DLEU7: variants seen among roughly 807,000 people sequenced by gnomAD.
DLEU7 encodes deleted in lymphocytic leukemia 7, also known as leukemia-associated protein 7.
Under a neutral mutation model 16.0 loss-of-function variants are expected in DLEU7, and 17 were observed. The observed-to-expected ratio is 1.06, with a 90% CI of 0.73 to 1.59. The LOEUF (loss-of-function observed/expected upper bound fraction) is 1.59. Among genes scored for constraint, DLEU7 ranks in the 40% most tolerant of loss-of-function variants. The probability of loss-of-function intolerance (pLI) is 0.00; values close to 1 mark genes in which losing one functional copy is unlikely to be tolerated. For synonymous variants in DLEU7, 113 were observed against 139.8 expected (o/e 0.81, Z 1.35); for missense variants, 308 against 314.9 (o/e 0.98, Z 0.17).
At chr13:50,779,859 CAA>C (rs540905360) in intron 1 of DLEU7, among the ~76,000 whole-genome samples, 1 of 152,096 alleles carries the variant, frequency 6.6e-6, no homozygotes, top group Non-Finnish European at 1.5e-5. Flanking sequence ...TCTGATTCGT[CAA>C]AGAGAGTTTT....
intron 1 of DLEU7, among the ~76,000 whole-genome samples, chr13:50,799,363 A>G (rs900161159): frequency 3.9e-5 from 6 of 152,212 alleles, no homozygotes; most frequent in African/African-American, 1.4e-4. Flanking sequence ...CTTGTATTCT[A>G]TTGCATTTCA....
chr13:50,806,129 T>TTC (rs1166354685), intron 1 of DLEU7, among the ~76,000 whole-genome samples: 1 of 152,106 alleles, frequency 6.6e-6, no homozygotes, highest in South Asian at 2.1e-4. Context: ...CCACTAAGTC[T>TTC]TCTCTCTCTC....
chr13:50,775,607 T>C (rs1875470560), intron 1 of DLEU7, among the ~76,000 whole-genome samples: 1 of 152,228 alleles, frequency 6.6e-6, no homozygotes, highest in South Asian at 2.1e-4. Context: ...AACTCCATAT[T>C]CTGATTCCTC....
chr13:50,807,113 A>T (rs1283239639), intron 1 of DLEU7, among the ~76,000 whole-genome samples: 3 of 151,892 alleles, frequency 2.0e-5, no homozygotes, highest in East Asian at 3.8e-4. Context: ...GATATATATA[A>T]AAATTAATTT....
intron 1 of DLEU7, among the ~76,000 whole-genome samples, chr13:50,725,355 C>T (rs1873737339): frequency 6.6e-6 from 1 of 152,158 alleles, no homozygotes; most frequent in Non-Finnish European, 1.5e-5. Flanking sequence ...TGCACTTGTG[C>T]ACCACTTTGC....
exon 2 of DLEU7, chr13:50,713,234 G>C (rs1158281884): frequency 6.2e-7 from 1 of 1,611,044 alleles, no homozygotes; most frequent in East Asian, 2.2e-5. Context: ...TTAGCCAGGA[G>C]TTGAAGCTGA....
chr13:50,815,447 A>G (rs1472070302), intron 1 of DLEU7, among the ~76,000 whole-genome samples: 3 of 152,200 alleles, frequency 2.0e-5, no homozygotes, highest in Admixed American at 2.0e-4. Context: ...ACACACACAT[A>G]TACGCACACA....
intron 1 of DLEU7, among the ~76,000 whole-genome samples, chr13:50,817,855 CTCTT>C (rs1876782461): frequency 1.3e-5 from 2 of 151,982 alleles, no homozygotes; most frequent in South Asian, 4.1e-4. Flanking sequence ...GATCTGGGAG[CTCTT>C]AGAGCTCCCA....
intron 1 of DLEU7, among the ~76,000 whole-genome samples, chr13:50,797,116 A>C (rs566040181): frequency 1.3e-5 from 2 of 152,302 alleles, no homozygotes; most frequent in Admixed American, 1.3e-4. Flanking sequence ...CGTGGAGTAC[A>C]TTGGATGGAG....
intron 1 of DLEU7, among the ~76,000 whole-genome samples, chr13:50,808,274 T>C (rs979563870): frequency 1.3e-5 from 2 of 152,204 alleles, no homozygotes; most frequent in Non-Finnish European, 2.9e-5. Flanking sequence ...TGGCATATCA[T>C]TGGCTATCAC....
intron 1 of DLEU7, among the ~76,000 whole-genome samples, chr13:50,719,462 T>C (rs1482822811): frequency 6.6e-6 from 1 of 152,208 alleles, no homozygotes; most frequent in Non-Finnish European, 1.5e-5. Context: ...ATTTAAAAAC[T>C]CTTCCTCATA....
intron 1 of DLEU7, among the ~76,000 whole-genome samples, chr13:50,735,156 T>C (rs1874027674): frequency 6.6e-6 from 1 of 152,122 alleles, no homozygotes; most frequent in African/African-American, 2.4e-5. Flanking sequence ...CTGGAGCAAA[T>C]ATTGAAAGAA....
chr13:50,783,815 T>A (rs1593394337), intron 1 of DLEU7, among the ~76,000 whole-genome samples: 1 of 152,042 alleles, frequency 6.6e-6, no homozygotes. Context: ...TACACACCCA[T>A]CCCCAGCCAT....
chr13:50,733,914 T>C (rs1483220839), intron 1 of DLEU7, among the ~76,000 whole-genome samples: 4 of 152,172 alleles, frequency 2.6e-5, no homozygotes, highest in Non-Finnish European at 5.9e-5. Context: ...AAGTAGCAAG[T>C]AGCAAGTCTG....
At chr13:50,838,065 A>AT (rs1047636469) in intron 1 of DLEU7, among the ~76,000 whole-genome samples, 67 of 151,388 alleles carry the variant, frequency 4.4e-4, no homozygotes, top group African/African-American at 1.3e-3. Flanking sequence ...TTTGCTTATT[A>AT]TTTTTTTTTA....
chr13:50,773,580 G>A (rs1162586737), intron 1 of DLEU7, among the ~76,000 whole-genome samples: 1 of 150,604 alleles, frequency 6.6e-6, no homozygotes, highest in Admixed American at 6.6e-5. Flanking sequence ...GACCCTGTTT[G>A]CCTGGATATC....
chr13:50,735,746 A>T (rs1006419708), intron 1 of DLEU7, among the ~76,000 whole-genome samples: 1 of 152,210 alleles, frequency 6.6e-6, no homozygotes, highest in Non-Finnish European at 1.5e-5. Flanking sequence ...GTCAACAAGC[A>T]TATGAAAAAA....
intron 1 of DLEU7, among the ~76,000 whole-genome samples, chr13:50,833,193 G>A (rs375056712): frequency 6.6e-6 from 1 of 152,172 alleles, no homozygotes; most frequent in African/African-American, 2.4e-5. Flanking sequence ...GGAAGTTCTG[G>A]CCAGGGCAAT....
chr13:50,792,239 C>T (rs975694341), intron 1 of DLEU7, among the ~76,000 whole-genome samples: 2 of 152,126 alleles, frequency 1.3e-5, no homozygotes, highest in Non-Finnish European at 2.9e-5. Context: ...TTTGCAATGG[C>T]TCATGTGATT....
Sources: gnomAD v4.1 joint callset for allele counts (sites outside exome capture counted in the v4.1 genomes callset) on GRCh38, gnomAD v4.1.1 for gene constraint, MANE v1.5 for transcripts, NCBI Gene and HGNC (gene_info 2026-07-23, HGNC 2026-07-21) for gene names.